Variants in PEX13 observed in about 807,000 individuals in gnomAD.
PEX13 encodes the protein peroxisome biogenesis factor 13.
PEX13 carries 28 observed loss-of-function variants against 34.5 expected under a neutral mutation model. The observed-to-expected ratio is 0.81, with a 90% CI of 0.60 to 1.11. The LOEUF (loss-of-function observed/expected upper bound fraction) is 1.11. PEX13 is among the 50% of genes most tolerant of loss of function. The pLI is 0.00. For missense variants in PEX13, 550 were observed against 491.0 expected, an observed-to-expected ratio of 1.12 and a Z score of -1.13; for synonymous variants, 177 against 175.1, an observed-to-expected ratio of 1.01 and a Z score of -0.09.
intron 2 of PEX13, among the ~76,000 whole-genome samples, chr2:61,045,381 A>G (rs914022600): frequency 2.6e-5 from 4 of 152,206 alleles, no homozygotes; most frequent in South Asian, 2.1e-4. Flanking sequence ...AATTTATGGA[A>G]ATTTTGTTTC....
chr2:61,040,672 C>T (rs1162824124), intron 2 of PEX13, among the ~76,000 whole-genome samples: 2 of 151,410 alleles, frequency 1.3e-5, no homozygotes, highest in Non-Finnish European at 2.9e-5. Flanking sequence ...ACCAACATGA[C>T]ACATATATAC....
At chr2:61,038,469 G>A (rs1233703924) in intron 2 of PEX13, among the ~76,000 whole-genome samples, 1 of 152,174 alleles carries the variant, frequency 6.6e-6, no homozygotes, top group African/African-American at 2.4e-5. Flanking sequence ...ATCAATAAAT[G>A]TAATCCATCA....
intron 2 of PEX13, among the ~76,000 whole-genome samples, chr2:61,042,901 T>C (rs557365737): frequency 6.6e-6 from 1 of 152,354 alleles, no homozygotes; most frequent in South Asian, 2.1e-4. Flanking sequence ...TTGAATGTTT[T>C]TCCTTGGCTC....
chr2:61,040,591 TG>T (rs778241074), intron 2 of PEX13, among the ~76,000 whole-genome samples: 34 of 150,668 alleles, frequency 2.3e-4, no homozygotes, highest in Non-Finnish European at 4.7e-4. Context: ...TGTCAGGGGG[TG>T]GAGGGGCTTG....
intron 1 of PEX13, among the ~76,000 whole-genome samples, chr2:61,027,372 C>CAA (rs1438858388): frequency 6.6e-6 from 1 of 151,088 alleles, no homozygotes; most frequent in African/African-American, 2.4e-5. Flanking sequence ...CACACACACA[C>CAA]AAAAACAGCG....
chr2:61,020,486 G>T (rs975764131), intron 1 of PEX13, among the ~76,000 whole-genome samples: 1 of 152,096 alleles, frequency 6.6e-6, no homozygotes, highest in African/African-American at 2.4e-5. Flanking sequence ...TGTGTAGCCA[G>T]TTCTGTCATT....
rs1360784990 is a variant in PEX13, at chr2:61,031,888, A to C, written c.562A>C (p.Ile188Leu). The C allele has an allele frequency of 6.2e-7, 1 of 1,613,642 alleles. No homozygotes were observed. Among genetic ancestry groups the C allele is most frequent in the Non-Finnish European group, 8.5e-7 (1 of 1,179,498 alleles). Reference protein sequence around the residue: ...VFSAFALVRTIRYLYRRLQRM... With the variant: ...VFSAFALVRTLRYLYRRLQRM... ...TTCAGCTTTTGCATTGGTTAGGACTATACGGTATCTTTACAGACGGCTACA... is the reference window on the plus strand; with the variant it reads ...TTCAGCTTTTGCATTGGTTAGGACTCTACGGTATCTTTACAGACGGCTACA... The change falls in exon 2 of 4, where the codon ATA becomes CTA. Residue 188 changes from isoleucine (I) to leucine (L), a missense_variant. Transcript: ENST00000295030.
At chr2:61,023,402 GACACACACACACAC>G (rs70959888) in intron 1 of PEX13, among the ~76,000 whole-genome samples, 2 of 146,688 alleles carry the variant, frequency 1.4e-5, no homozygotes, top group East Asian at 4.0e-4. Flanking sequence ...GGAATATACA[GACACACACACACAC>G]ACACACACAC....
chr2:61,025,130 G>A lies in PEX13; in HGVS notation c.93-6289G>A, dbSNP rs915266031. 5.0e-5 allele frequency among the ~76,000 whole-genome samples: 7 copies of A among 138,710 alleles called. No homozygotes were observed. The South Asian group carries it at 9.4e-4, about 19-fold the overall frequency. The allele number at this position is 138,710 out of a possible 152,430, so 91.0% of individuals were successfully genotyped here. ...GTTGCCCAGGCTGGAGTGCAGTGGC[G>A]TGATCTCGGCTCATTGCAACCTCTG... On this transcript the variant is annotated intron_variant, in intron 1 of 3. Transcript: ENST00000295030.
intron 2 of PEX13, among the ~76,000 whole-genome samples, chr2:61,037,380 C>T (rs1196369187): frequency 1.3e-5 from 2 of 152,158 alleles, no homozygotes; most frequent in African/African-American, 4.8e-5. Context: ...GTAAAACACT[C>T]CTCAGCAAAT....
chr2:61,042,201 G>C (rs561292027), intron 2 of PEX13, among the ~76,000 whole-genome samples: 2 of 152,300 alleles, frequency 1.3e-5, no homozygotes, highest in Non-Finnish European at 2.9e-5. Context: ...TTGGAGCACA[G>C]CCACACTTAT....
At chr2:61,030,700 T>C (rs1177939491) in intron 1 of PEX13, among the ~76,000 whole-genome samples, 1 of 152,186 alleles carries the variant, frequency 6.6e-6, no homozygotes, top group East Asian at 1.9e-4. Context: ...TATTGATTGG[T>C]TGATGAAAGA....
At chr2:61,024,203 T>C (rs1224739642) in intron 1 of PEX13, among the ~76,000 whole-genome samples, 1 of 152,244 alleles carries the variant, frequency 6.6e-6, no homozygotes, top group Non-Finnish European at 1.5e-5. Context: ...TTTGCTTTGT[T>C]AGGCCTCAGT....
intron 2 of PEX13, among the ~76,000 whole-genome samples, chr2:61,044,002 TG>T (rs751715559): frequency 1.3e-5 from 2 of 152,120 alleles, no homozygotes; most frequent in Non-Finnish European, 2.9e-5. Flanking sequence ...CAGGCTGGAG[TG>T]CAGTAGCGTG....
At chr2:61,039,036 A>G (rs1680578746) in intron 2 of PEX13, among the ~76,000 whole-genome samples, 1 of 152,216 alleles carries the variant, frequency 6.6e-6, no homozygotes, top group African/African-American at 2.4e-5. Flanking sequence ...CCAACTTACA[A>G]GGGATGTGAA....
chr2:61,038,396 G>C (rs1313061868), intron 2 of PEX13, among the ~76,000 whole-genome samples: 1 of 152,106 alleles, frequency 6.6e-6, no homozygotes, highest in African/African-American at 2.4e-5. Context: ...ACATCAAAAA[G>C]CTTATCCACC....
intron 2 of PEX13, among the ~76,000 whole-genome samples, chr2:61,038,946 T>C (rs1001001113): frequency 1.3e-5 from 2 of 152,126 alleles, no homozygotes; most frequent in African/African-American, 4.8e-5. Flanking sequence ...ATCACAAGCA[T>C]TCCTATACAC....
chr2:61,051,176 C>G lies in PEX13; in HGVS notation c.*2406C>G, dbSNP rs937266082. 1 of 152,156 alleles carries G rather than the reference C, an allele frequency of 6.6e-6. No individual in the cohort carries two copies. Among genetic ancestry groups the G allele is most frequent in the Non-Finnish European group, 1.5e-5 (1 of 68,012 alleles). The allele number at this position is 152,156 out of a possible 1,614,324, so 9.4% of individuals were successfully genotyped here. ...AGTTTTCCAACACCCAGGTATTAGC[C>G]TTGAAGTTGAAGAGATAAGGTTTCT... On this transcript the variant is annotated 3_prime_UTR_variant, in exon 4 of 4. Coordinates refer to ENST00000295030, the MANE Select transcript of PEX13 (RefSeq NM_002618.4).
chr2:61,045,216 A>T (rs899640862), intron 2 of PEX13, among the ~76,000 whole-genome samples: 2 of 152,256 alleles, frequency 1.3e-5, no homozygotes, highest in African/African-American at 4.8e-5. Flanking sequence ...CTCAAATTTT[A>T]TTACAAATTA....
Sources: gnomAD v4.1 joint callset for allele counts (sites outside exome capture counted in the v4.1 genomes callset) on GRCh38, gnomAD v4.1.1 for gene constraint, MANE v1.5 for transcripts, NCBI Gene and HGNC (gene_info 2026-07-23, HGNC 2026-07-21) for gene names.